Variants in PXDNL observed in about 807,000 individuals in gnomAD.
The protein encoded by PXDNL is peroxidasin like.
Under a neutral mutation model 150.8 loss-of-function variants are expected in PXDNL, and 145 were observed. That is an observed-to-expected ratio of 0.96 (90% confidence interval 0.84 to 1.10). PXDNL has a LOEUF of 1.10. Ranked by LOEUF, PXDNL falls within the 50% of genes least tolerant of loss-of-function variation. The pLI, the probability that PXDNL is intolerant of heterozygous loss-of-function variation, is 0.00. For synonymous variants in PXDNL, 757 were observed against 725.7 expected (o/e 1.04, Z -0.69); for missense variants, 2,087 against 1,873.9 (o/e 1.11, Z -2.10).
intron 3 of PXDNL, among the ~76,000 whole-genome samples, chr8:51,592,123 C>T (rs573788491): frequency 6.6e-6 from 1 of 152,254 alleles, no homozygotes; most frequent in South Asian, 2.1e-4. Flanking sequence ...CAATAATACA[C>T]AAAAACCATG....
At chr8:51,589,906 T>G (rs78300286) in intron 3 of PXDNL, among the ~76,000 whole-genome samples, 11,827 of 152,096 alleles carry the variant, frequency 0.078, 763 homozygotes, top group East Asian at 0.24. Flanking sequence ...GCTAAAGAGG[T>G]TATCACAGAT....
intron 1 of PXDNL, among the ~76,000 whole-genome samples, chr8:51,710,599 C>A (rs1051579508): frequency 4.6e-5 from 7 of 152,196 alleles, no homozygotes; most frequent in African/African-American, 1.7e-4. Context: ...ACATACTCCA[C>A]CTCCCTTAGG....
intron 17 of PXDNL, among the ~76,000 whole-genome samples, chr8:51,384,391 C>G (rs377169686): frequency 1.9e-4 from 29 of 151,704 alleles, no homozygotes; most frequent in Admixed American, 2.0e-4. Flanking sequence ...AAAAAAAAAT[C>G]TTATGGTTAA....
chr8:51,772,621 G>A (rs907221894), intron 1 of PXDNL, among the ~76,000 whole-genome samples: 1 of 152,128 alleles, frequency 6.6e-6, no homozygotes, highest in East Asian at 1.9e-4. Flanking sequence ...TCCTAAGTTC[G>A]GGACTGATCT....
At chr8:51,789,514 G>T (rs917711633) in intron 1 of PXDNL, among the ~76,000 whole-genome samples, 1 of 152,138 alleles carries the variant, frequency 6.6e-6, no homozygotes, top group Non-Finnish European at 1.5e-5. Context: ...AAACCCAGAG[G>T]CTTGGGGATT....
rs540378957 is a variant in PXDNL, at chr8:51,770,270, A to G, written c.164+38911T>C. 1.1e-3 allele frequency among the ~76,000 whole-genome samples: 172 copies of G among 152,354 alleles called. 2 individuals carry two copies. Among genetic ancestry groups the G allele is most frequent in the African/African-American group, 3.8e-3 (159 of 41,580 alleles). On this transcript the variant is annotated intron_variant, in intron 1 of 22. Transcript: ENST00000356297. ...GCAATTGGCTTACTGTGCAACAGGC[A>G]GAATGAGCCTGGTTTTGTACAGAAC...
chr8:51,499,212 C>T (rs1811126124), intron 5 of PXDNL, among the ~76,000 whole-genome samples: 1 of 152,206 alleles, frequency 6.6e-6, no homozygotes, highest in Non-Finnish European at 1.5e-5. Context: ...TCACTGCAAC[C>T]TACGCCTCCC....
intron 4 of PXDNL, among the ~76,000 whole-genome samples, chr8:51,555,179 G>T (rs1176727133): frequency 6.6e-6 from 1 of 152,124 alleles, no homozygotes; most frequent in African/African-American, 2.4e-5. Flanking sequence ...GGGCCTTCCT[G>T]CAGTATAATC....
At chr8:51,785,968 G>C (rs913190012) in intron 1 of PXDNL, among the ~76,000 whole-genome samples, 2 of 152,210 alleles carry the variant, frequency 1.3e-5, no homozygotes, top group Non-Finnish European at 2.9e-5. Flanking sequence ...TGAAGACTGA[G>C]AGAGATGAGG....
intron 2 of PXDNL, among the ~76,000 whole-genome samples, 150 bp downstream of exon 2, chr8:51,654,536 AAAG>A (rs2130801678): frequency 6.6e-6 from 1 of 152,370 alleles, no homozygotes; most frequent in East Asian, 1.9e-4. Context: ...TAGGCAGTGT[AAAG>A]AAGCAGCAGA....
chr8:51,356,746 A>G (rs1440527833), intron 19 of PXDNL, among the ~76,000 whole-genome samples: 1 of 152,162 alleles, frequency 6.6e-6, no homozygotes, highest in Non-Finnish European at 1.5e-5. Context: ...CATTTGTCTC[A>G]TGAGGTTTCC....
At chr8:51,657,018 T>C (rs748862599) in intron 1 of PXDNL, among the ~76,000 whole-genome samples, 5 of 152,334 alleles carry the variant, frequency 3.3e-5, no homozygotes, top group Middle Eastern at 3.4e-3. Context: ...AAATCCACTG[T>C]AAGTTGAAAA....
intron 1 of PXDNL, among the ~76,000 whole-genome samples, chr8:51,690,039 C>T (rs1397039727): frequency 6.6e-6 from 1 of 152,192 alleles, no homozygotes; most frequent in Admixed American, 6.5e-5. Flanking sequence ...TCCTCCTAAC[C>T]TCTCTGATAA....
chr8:51,782,989 C>T (rs1314498225), intron 1 of PXDNL, among the ~76,000 whole-genome samples: 3 of 152,178 alleles, frequency 2.0e-5, no homozygotes, highest in Admixed American at 6.5e-5. Flanking sequence ...CATGCATCCA[C>T]AGTAGCTAAT....
intron 2 of PXDNL, among the ~76,000 whole-genome samples, chr8:51,597,512 A>G (rs1217831941): frequency 1.3e-5 from 2 of 152,066 alleles, no homozygotes; most frequent in African/African-American, 4.8e-5. Flanking sequence ...ATTTTAGCGG[A>G]TATTGATTCT....
intron 19 of PXDNL, among the ~76,000 whole-genome samples, chr8:51,369,789 A>G (rs1175035330): frequency 1.3e-5 from 2 of 152,228 alleles, no homozygotes; most frequent in Admixed American, 6.5e-5. Context: ...ACAGATCTTG[A>G]TAAGAACGCT....
chr8:51,403,069 T>C (rs1586074584), intron 17 of PXDNL, among the ~76,000 whole-genome samples: 1 of 120,848 alleles, frequency 8.3e-6, no homozygotes, highest in Admixed American at 1.1e-4. Flanking sequence ...GCCTAGGCGA[T>C]AGAGCCAAAC....
chr8:51,771,359 C>A (rs1257118361), intron 1 of PXDNL, among the ~76,000 whole-genome samples: 1 of 151,958 alleles, frequency 6.6e-6, no homozygotes, highest in African/African-American at 2.4e-5. Flanking sequence ...GTACACTTTA[C>A]TATCTACACC....
chr8:51,409,373 G>A lies in PXDNL; in HGVS notation c.2251C>T (p.Arg751Cys), dbSNP rs1242794741. 11 of 1,575,040 alleles carry A rather than the reference G, an allele frequency of 7.0e-6. No individual in the cohort carries two copies. Among genetic ancestry groups the A allele is most frequent in the Admixed American group, 1.9e-5 (1 of 53,544 alleles). ...TWGAALTAFA[R>C]LLQPAYRDGI... ...TCCCGGTAGGCTGGCTGCAGCAGGC[G>A]CGCGAAGGCGGTCAGCGCCGCGCCC... Residue 751 changes from arginine (R) to cysteine (C), a missense_variant, in exon 17 of 23, where the codon CGC (arginine) becomes TGC (cysteine). Physicochemically the swap from Arg to Cys is radical, Grantham distance 180 (BLOSUM62 -3). Transcript: ENST00000356297.
Sources: allele counts gnomAD v4.1 joint callset (sites outside exome capture counted in the v4.1 genomes callset), GRCh38; gene constraint gnomAD v4.1.1; transcripts MANE v1.5; gene names NCBI Gene and HGNC (gene_info 2026-07-23, HGNC 2026-07-21).